The following PUS10 variants were observed in gnomAD, a reference collection of about 807,000 sequenced individuals.
The protein encoded by PUS10 is tRNA pseudouridine synthase Pus10.
Under a neutral mutation model 75.0 loss-of-function variants are expected in PUS10, and 59 were observed. The ratio of observed to expected loss-of-function variants is 0.79; its 90% CI spans 0.64 to 0.98. The LOEUF (loss-of-function observed/expected upper bound fraction) is 0.98. Ranked by LOEUF, PUS10 falls within the 50% of genes least tolerant of loss-of-function variation. The pLI is 0.00. For synonymous variants in PUS10, 219 were observed against 211.6 expected, an observed-to-expected ratio of 1.03 and a Z score of -0.30; for missense variants, 650 against 614.4, an observed-to-expected ratio of 1.06 and a Z score of -0.61.
intron 4 of PUS10, among the ~76,000 whole-genome samples, chr2:60,992,157 C>T (rs562549439): frequency 6.6e-6 from 1 of 152,124 alleles, no homozygotes; most frequent in Admixed American, 6.6e-5. Context: ...ACTACAGGTG[C>T]CTGCCACCAC....
intron 6 of PUS10, chr2:60,966,445 T>TC (rs1397776871): frequency 6.6e-6 from 1 of 152,248 alleles, no homozygotes; most frequent in Non-Finnish European, 1.5e-5. Context: ...GCTTTTTTTT[T>TC]CTCGCTCCTT....
Position 60,942,191 on chromosome 2 carries a change from A to G in PUS10, c.*204T>C, listed in dbSNP as rs1020790528. On this transcript the variant is annotated 3_prime_UTR_variant, in exon 18 of 18. Coordinates refer to ENST00000316752, the MANE Select transcript of PUS10 (RefSeq NM_144709.4). ...AAGAGGGAATGAGAAAAATCCTAAG[A>G]CATCCTTGGAACAATTTAACACAAA... 2.0e-6 allele frequency: 1 copy of G among 490,852 alleles called. No homozygotes were observed. The highest frequency in any genetic ancestry group is 2.0e-5 in the African/African-American group (1 of 50,682). The allele number at this position is 490,852 out of a possible 1,614,324, so 30.4% of individuals were successfully genotyped here.
At chr2:60,963,277 T>G (rs1676144118) in intron 8 of PUS10, among the ~76,000 whole-genome samples, 1 of 152,220 alleles carries the variant, frequency 6.6e-6, no homozygotes, top group Non-Finnish European at 1.5e-5. Context: ...TTAGATTGAT[T>G]CAGCTACCTT....
intron 4 of PUS10, among the ~76,000 whole-genome samples, chr2:60,981,757 C>T (rs951028448): frequency 6.6e-6 from 1 of 152,080 alleles, no homozygotes; most frequent in African/African-American, 2.4e-5. Flanking sequence ...ATAGGAGATA[C>T]CTGGATTTTC....
intron 4 of PUS10, among the ~76,000 whole-genome samples, chr2:60,980,818 G>GT (rs1337876604): frequency 1.3e-5 from 2 of 152,198 alleles, no homozygotes; most frequent in African/African-American, 2.4e-5. Flanking sequence ...TAGAAGATGA[G>GT]TACAGGCACC....
Position 60,945,064 on chromosome 2 carries a change from G to A in PUS10, c.1496C>T (p.Pro499Leu). Residue 499 changes from proline (P) to leucine (L), a missense_variant, in exon 17 of 18, where the codon CCA becomes CTA. Transcript: ENST00000316752. ...FVHGDFGRTK[P>L]NIGSLMNVTA... The stretch of plus-strand genomic sequence containing the variant: ...CACATTCATCAGGGACCCAATGTTT[G>A]GCTTGGTTCTCCCGAAGTCTCCATG... 1 of 1,614,044 alleles carries A rather than the reference G, an allele frequency of 6.2e-7. No individual in the cohort carries two copies. Among genetic ancestry groups the A allele is most frequent in the Non-Finnish European group, 8.5e-7 (1 of 1,179,918 alleles).
intron 4 of PUS10, among the ~76,000 whole-genome samples, chr2:60,989,016 G>T (rs1677902019): frequency 6.6e-6 from 1 of 152,116 alleles, no homozygotes; most frequent in Non-Finnish European, 1.5e-5. Flanking sequence ...CCACTAGGAT[G>T]GGGACAGTAG....
intron 5 of PUS10, among the ~76,000 whole-genome samples, chr2:60,969,978 G>A (rs1177438664): frequency 1.3e-5 from 2 of 152,004 alleles, no homozygotes; most frequent in African/African-American, 2.4e-5. Context: ...GTAATCCCAA[G>A]CTAGTTGGGA....
intron 17 of PUS10, among the ~76,000 whole-genome samples, chr2:60,943,051 A>AG: frequency 6.6e-6 from 1 of 151,778 alleles, no homozygotes; most frequent in African/African-American, 2.4e-5. Flanking sequence ...AAAAAAAAAA[A>AG]AAAAAGTATT....
chr2:60,946,182 C>T (rs1674934079), intron 16 of PUS10, among the ~76,000 whole-genome samples: 1 of 152,092 alleles, frequency 6.6e-6, no homozygotes, highest in African/African-American at 2.4e-5. Context: ...GAGAGAAAAC[C>T]AAATAGCCCC....
intron 9 of PUS10, among the ~76,000 whole-genome samples, chr2:60,962,131 T>C (rs1193295277): frequency 2.0e-5 from 3 of 152,218 alleles, no homozygotes; most frequent in Non-Finnish European, 4.4e-5. Flanking sequence ...AGATGAACGA[T>C]ACTAGGAAAT....
chr2:60,962,747 G>T, intron 9 of PUS10, 79 bp downstream of exon 9: 1 of 1,503,684 alleles, frequency 6.7e-7, no homozygotes. Flanking sequence ...TCTTGTTTCA[G>T]AGATAATCCA....
rs13430778 is a variant in PUS10, at chr2:60,963,718, A to G, written c.724-828T>C. Among the ~76,000 whole-genome samples, 1,100 of 152,318 alleles carry G rather than the reference A, an allele frequency of 7.2e-3. 11 individuals are homozygous for G. The highest frequency in any genetic ancestry group is 0.025 in the African/African-American group (1,040 of 41,554). ...ACCATAGGGTTACAACTGAAAATTA[A>G]GTGCCTGTTTGATAAGATATGAAAT... On this transcript the variant is annotated intron_variant, in intron 8 of 17. Coordinates refer to ENST00000316752, the MANE Select transcript of PUS10 (RefSeq NM_144709.4).
At chr2:60,965,032 A>G in intron 8 of PUS10, 26 bp downstream of exon 8, 1 of 1,609,534 alleles carries the variant, frequency 6.2e-7, no homozygotes, top group Non-Finnish European at 8.5e-7. Flanking sequence ...CTCACTCAAG[A>G]CTAAGAAGCG....
At chr2:60,951,158 G>GT (rs1454395251) in intron 15 of PUS10, among the ~76,000 whole-genome samples, 1 of 151,810 alleles carries the variant, frequency 6.6e-6, no homozygotes, top group Non-Finnish European at 1.5e-5. Flanking sequence ...CCTATTTATC[G>GT]TATCTTTTGC....
At chr2:60,989,423 G>C (rs1185225240) in intron 4 of PUS10, among the ~76,000 whole-genome samples, 1 of 152,108 alleles carries the variant, frequency 6.6e-6, no homozygotes, top group Non-Finnish European at 1.5e-5. Flanking sequence ...ATACTTCACT[G>C]AGTAAACATA....
intron 2 of PUS10, chr2:61,011,027 T>A (rs1679563621): frequency 1.7e-5 from 20 of 1,204,166 alleles, no homozygotes; most frequent in Non-Finnish European, 2.1e-5. Flanking sequence ...AATAACATTT[T>A]AAAAATAACT....
intron 4 of PUS10, among the ~76,000 whole-genome samples, chr2:60,993,488 T>C (rs1678248919): frequency 6.6e-6 from 1 of 151,664 alleles, no homozygotes; most frequent in Admixed American, 6.6e-5. Context: ...AAGGTCCAAA[T>C]TGACTGGAAA....
intron 5 of PUS10, among the ~76,000 whole-genome samples, chr2:60,968,609 G>A (rs1194688178): frequency 2.0e-5 from 3 of 149,624 alleles, no homozygotes; most frequent in East Asian, 3.9e-4. Context: ...GAATTTAGTT[G>A]ATCAGAAAAA....
Sources: allele counts gnomAD v4.1 joint callset (sites outside exome capture counted in the v4.1 genomes callset), GRCh38; gene constraint gnomAD v4.1.1; transcripts MANE v1.5; gene names NCBI Gene and HGNC (gene_info 2026-07-23, HGNC 2026-07-21).